CARMIL1: variants seen among roughly 807,000 people sequenced by gnomAD.
The protein encoded by CARMIL1 is capping protein regulator and myosin 1 linker 1, also known as F-actin-uncapping protein LRRC16A.
Under a neutral mutation model 177.1 loss-of-function variants are expected in CARMIL1, and 90 were observed. That is an observed-to-expected ratio of 0.51 (90% CI 0.43 to 0.61). The LOEUF is 0.61. Ranked by LOEUF, CARMIL1 falls within the 20% of genes least tolerant of loss-of-function variation. CARMIL1 has a pLI of 0.00. For synonymous variants in CARMIL1, 577 were observed against 606.2 expected (o/e 0.95, Z 0.71); for missense variants, 1,380 against 1,667.0 (o/e 0.83, Z 3.00).
chr6:25,360,809 A>C (rs1789121520), intron 2 of CARMIL1, among the ~76,000 whole-genome samples: 1 of 152,208 alleles, frequency 6.6e-6, no homozygotes, highest in South Asian at 2.1e-4. Flanking sequence ...TGAGGAATGA[A>C]TATGCTGACA....
chr6:25,284,913 A>T lies in CARMIL1; in HGVS notation c.138+4A>T. 6.7e-7 allele frequency: 1 copy of T among 1,498,686 alleles called. No homozygotes were observed. The allele number at this position is 1,498,686 out of a possible 1,614,324, so 92.8% of individuals were successfully genotyped here. A position where few individuals can be genotyped will look rare whatever the true frequency, so the allele number is the denominator to read the frequency against. ...CAAAGTTGAAAACAAAGTGCTGGTA[A>T]GTATTGCTGTTTATTTTTATTAAAT... On this transcript the variant is annotated splice_donor_region_variant and intron_variant, in intron 2 of 36. Transcript: ENST00000329474.
intron 29 of CARMIL1, chr6:25,563,754 G>C (rs1373727129): frequency 1.0e-6 from 1 of 985,266 alleles, no homozygotes; most frequent in Admixed American, 6.1e-5. Flanking sequence ...TACATTGAGG[G>C]GAAGAAGTGG....
chr6:25,555,207 G>A (rs1040126179), intron 28 of CARMIL1, among the ~76,000 whole-genome samples: 1 of 152,012 alleles, frequency 6.6e-6, no homozygotes, highest in Non-Finnish European at 1.5e-5. Context: ...CTTTTTTATT[G>A]TATTTTAACA....
intron 26 of CARMIL1, among the ~76,000 whole-genome samples, chr6:25,550,276 G>A (rs10456322): frequency 0.15 from 23,486 of 152,122 alleles, 1,943 homozygotes; most frequent in Middle Eastern, 0.21. Context: ...TCTTTTGAGT[G>A]TTACTATTAA....
intron 2 of CARMIL1, among the ~76,000 whole-genome samples, chr6:25,310,127 T>C (rs1783672186): frequency 6.6e-6 from 1 of 152,208 alleles, no homozygotes; most frequent in African/African-American, 2.4e-5. Context: ...ACCTTCTCAC[T>C]ATGTGAGTAA....
chr6:25,370,001 T>A (rs946426652), intron 2 of CARMIL1: 1 of 152,260 alleles, frequency 6.6e-6, no homozygotes, highest in African/African-American at 2.4e-5. Context: ...TTTTGCCATG[T>A]GTGTACCATC....
chr6:25,391,521 G>A (rs1413522793), intron 2 of CARMIL1, among the ~76,000 whole-genome samples: 2 of 152,174 alleles, frequency 1.3e-5, no homozygotes, highest in Non-Finnish European at 2.9e-5. Context: ...AGAAGATGAT[G>A]GGTTGAGGTT....
rs762489025 is a variant in CARMIL1 at position 25,515,859 on chromosome 6, C to T, written c.1805+12C>T. ...AACACTAAGCTCAGGTAGGCAGATC[C>T]CACCCTCCCTGCTCATGAGGAAGGC... On this transcript the variant is annotated intron_variant, in intron 21 of 36. Transcript: ENST00000329474. This position sits in a 1 kb window ranked among gnomAD's most constrained non-coding sequence, Gnocchi z 5.0. 1 of 1,588,324 alleles carries T rather than the reference C, an allele frequency of 6.3e-7. No homozygotes were observed. Among genetic ancestry groups the T allele is most frequent in the Non-Finnish European group, 8.6e-7 (1 of 1,167,432 alleles).
chr6:25,544,606 TAC>T (rs3034120), intron 26 of CARMIL1, among the ~76,000 whole-genome samples: 26,714 of 142,276 alleles, frequency 0.19, 2,394 homozygotes, highest in East Asian at 0.24. Context: ...GTTACTAGAC[TAC>T]ACACACACAC....
chr6:25,570,558 C>A (rs1489837335), intron 29 of CARMIL1, among the ~76,000 whole-genome samples: 1 of 152,058 alleles, frequency 6.6e-6, no homozygotes, highest in African/African-American at 2.4e-5. Context: ...GAAAATGTGA[C>A]AAAGGAAGAT....
chr6:25,609,588 A>C (rs1816329932), intron 35 of CARMIL1, among the ~76,000 whole-genome samples: 1 of 152,174 alleles, frequency 6.6e-6, no homozygotes, highest in Non-Finnish European at 1.5e-5. Flanking sequence ...CATGATTCCA[A>C]ATTATTGTTA....
intron 2 of CARMIL1, among the ~76,000 whole-genome samples, chr6:25,296,327 G>T (rs1420170099): frequency 6.6e-6 from 1 of 152,170 alleles, no homozygotes; most frequent in African/African-American, 2.4e-5. Flanking sequence ...GCTCCTTGTG[G>T]AGCCCTGTCC....
chr6:25,309,679 A>G (rs1783616338), intron 2 of CARMIL1, among the ~76,000 whole-genome samples: 1 of 151,982 alleles, frequency 6.6e-6, no homozygotes, highest in Non-Finnish European at 1.5e-5. Flanking sequence ...AATATTTTCA[A>G]AGTTCTTCCA....
chr6:25,307,119 G>C (rs1338792804), intron 2 of CARMIL1, among the ~76,000 whole-genome samples: 2 of 152,132 alleles, frequency 1.3e-5, no homozygotes, highest in African/African-American at 4.8e-5. Context: ...GACCTCAGGT[G>C]ATCCGCCTGC....
In CARMIL1 at chr6:25,391,975, C is replaced by G. The variant is rs372755736; in HGVS notation, c.139-28139C>G. Among the ~76,000 whole-genome samples, 8 of 152,012 alleles carry G rather than the reference C, an allele frequency of 5.3e-5. No individual in the cohort carries two copies. The East Asian group carries it at 7.7e-4, about 15-fold the overall frequency. On this transcript the variant is annotated intron_variant, in intron 2 of 36. Transcript: ENST00000329474. ...TGACAGAGTTAGAAATTAGTTATTA[C>G]TACATAATTTTAGTTTTACAAATAT...
chr6:25,364,989 A>G (rs1212129610), intron 2 of CARMIL1, among the ~76,000 whole-genome samples: 2 of 152,180 alleles, frequency 1.3e-5, no homozygotes, highest in Admixed American at 6.5e-5. Flanking sequence ...GCCTTTCTCT[A>G]TCTGGATTCC....
At chr6:25,401,252 T>TC (rs1463156954) in intron 2 of CARMIL1, among the ~76,000 whole-genome samples, 3 of 150,596 alleles carry the variant, frequency 2.0e-5, no homozygotes, top group Non-Finnish European at 3.0e-5. Context: ...ATTTTAATAT[T>TC]CCCCCCCAGA....
intron 26 of CARMIL1, among the ~76,000 whole-genome samples, chr6:25,542,621 T>C (rs1809035004): frequency 6.6e-6 from 1 of 152,162 alleles, no homozygotes; most frequent in Non-Finnish European, 1.5e-5. Context: ...CAAGTTTCTT[T>C]TCCTTTGGGG....
rs780005407 is a variant in CARMIL1, at chr6:25,594,483, T to A, written c.3075T>A (p.Gly1025=). 2 of 1,613,456 alleles carry A rather than the reference T, an allele frequency of 1.2e-6. No homozygotes were observed. The highest frequency in any genetic ancestry group is 4.5e-5 in the East Asian group (2 of 44,856). The change falls in exon 32 of 37, where the codon GGT becomes GGA. Residue 1025 remains glycine, a synonymous_variant. Transcript: ENST00000329474. ...GTCTCATGGGGAGAGTGGATGAAGG[T>A]GTAGATGAATTTTTTACCAAGAAGG... is the stretch of plus-strand genomic sequence containing the variant. ...QNGLMGRVDE[G]VDEFFTKKVT...
Sources: gnomAD v4.1 joint callset for allele counts (sites outside exome capture counted in the v4.1 genomes callset) on GRCh38, gnomAD v4.1.1 for gene constraint, Gnocchi (gnomAD v3.1) non-coding constraint, MANE v1.5 for transcripts, NCBI Gene and HGNC (gene_info 2026-07-23, HGNC 2026-07-21) for gene names.